PAPPA: variants seen among roughly 807,000 people sequenced by gnomAD.
PAPPA encodes the protein pappalysin-1.
A neutral mutation model predicts 164.0 loss-of-function variants in PAPPA; 60 were observed. The observed-to-expected ratio is 0.37, with a 90% CI of 0.30 to 0.45. PAPPA has a LOEUF of 0.45. PAPPA is among the 20% of genes least tolerant of loss of function. The probability of loss-of-function intolerance (pLI) is 1.00; values close to 1 mark genes in which losing one functional copy is unlikely to be tolerated. For missense variants in PAPPA, 1,782 were observed against 2,087.3 expected, an observed-to-expected ratio of 0.85 and a Z score of 2.85; for synonymous variants, 875 against 814.1, an observed-to-expected ratio of 1.07 and a Z score of -1.27.
chr9:116,374,950 T>C (rs1846630125), intron 19 of PAPPA, among the ~76,000 whole-genome samples: 1 of 152,264 alleles, frequency 6.6e-6, no homozygotes, highest in African/African-American at 2.4e-5. Flanking sequence ...TTTGTATTTG[T>C]ATCACATTCC....
chr9:116,219,803 G>A (rs905974645), intron 4 of PAPPA, 134 bp from the exon 5 acceptor site: 1 of 657,512 alleles, frequency 1.5e-6, no homozygotes, highest in African/African-American at 1.8e-5. Flanking sequence ...CTTGAGAGCT[G>A]GAAGAGGCCA....
At chr9:116,161,727 T>C (rs1321475571) in intron 1 of PAPPA, among the ~76,000 whole-genome samples, 1 of 149,396 alleles carries the variant, frequency 6.7e-6, no homozygotes, top group East Asian at 1.9e-4. Context: ...AAAAAAAAGG[T>C]TCTGGGGGTA....
chr9:116,273,642 C>T (rs1485648960), intron 9 of PAPPA, among the ~76,000 whole-genome samples: 2 of 152,012 alleles, frequency 1.3e-5, no homozygotes, highest in Non-Finnish European at 2.9e-5. Flanking sequence ...GGAGTGGTGG[C>T]GGGCACCCAT....
chr9:116,306,409 T>G (rs1303456163), intron 10 of PAPPA, among the ~76,000 whole-genome samples: 1 of 152,244 alleles, frequency 6.6e-6, no homozygotes, highest in Non-Finnish European at 1.5e-5. Flanking sequence ...GTGTTTCTCG[T>G]TCATTCTTTT....
intron 9 of PAPPA, among the ~76,000 whole-genome samples, chr9:116,292,998 A>G (rs1214613216): frequency 2.0e-5 from 3 of 152,160 alleles, no homozygotes; most frequent in African/African-American, 4.8e-5. Context: ...ATATGCTTCA[A>G]GGCAGTCTAG....
rs532410621 is a variant in PAPPA at position 116,260,964 on chromosome 9, C to T, written c.2733-4893C>T. The stretch of plus-strand genomic sequence containing the variant: ...TCTATTCTGCTGTACTTTGAGAAAG[C>T]TTGGGGCTTCTGTCTTTGGAAAGCA... On this transcript the variant is annotated intron_variant, in intron 7 of 21. Transcript: ENST00000328252. 2.0e-5 allele frequency among the ~76,000 whole-genome samples: 3 copies of T among 152,242 alleles called. No individual in the cohort carries two copies. In the East Asian group the frequency reaches 5.8e-4, roughly 29 times the overall value.
At chr9:116,225,844 T>G (rs1299271839) in intron 5 of PAPPA, among the ~76,000 whole-genome samples, 2 of 152,142 alleles carry the variant, frequency 1.3e-5, no homozygotes, top group Non-Finnish European at 2.9e-5. Context: ...CATCCATCCA[T>G]CCATCTATCC....
At chr9:116,223,651 A>G (rs550766954) in intron 5 of PAPPA, among the ~76,000 whole-genome samples, 16 of 152,362 alleles carry the variant, frequency 1.1e-4, no homozygotes, top group South Asian at 2.1e-4. Flanking sequence ...GTCTATGGCT[A>G]AAAGAAGTCA....
rs575624397 is a variant in PAPPA, at chr9:116,216,936, T to C, written c.1919-3001T>C. On this transcript the variant is annotated intron_variant, in intron 4 of 21. Coordinates refer to ENST00000328252, the MANE Select transcript of PAPPA (RefSeq NM_002581.5). ...TTTGTATTTTTGGTGGAGACAGGGT[T>C]TCACCATGTTGGTCAGGGTGGTCTC... 2.6e-5 allele frequency among the ~76,000 whole-genome samples: 4 copies of C among 152,072 alleles called. No homozygotes were observed. The East Asian group carries it at 7.8e-4, about 30-fold the overall frequency.
At chr9:116,342,896 T>G (rs1846156745) in intron 13 of PAPPA, among the ~76,000 whole-genome samples, 1 of 152,144 alleles carries the variant, frequency 6.6e-6, no homozygotes, top group Non-Finnish European at 1.5e-5. Flanking sequence ...CTTTAAAGTG[T>G]TTAAGAGCTA....
chr9:116,379,800 G>T (rs1346847171), intron 20 of PAPPA, among the ~76,000 whole-genome samples: 1 of 152,154 alleles, frequency 6.6e-6, no homozygotes. Context: ...GCTATTAGGG[G>T]TGGCATTTTG....
intron 1 of PAPPA, among the ~76,000 whole-genome samples, chr9:116,179,526 T>G (rs1843877987): frequency 6.6e-6 from 1 of 152,150 alleles, no homozygotes; most frequent in Admixed American, 6.5e-5. Context: ...GTCCTGTATG[T>G]CTCCCTTTAA....
chr9:116,368,624 C>A (rs766138787), intron 19 of PAPPA, among the ~76,000 whole-genome samples: 2 of 152,232 alleles, frequency 1.3e-5, no homozygotes, highest in Non-Finnish European at 1.5e-5. Flanking sequence ...TTTTCTCCCC[C>A]AGGACATCGC....
At chr9:116,285,125 TTTTCTTTTTCTTTTTTC>T (rs911058979) in intron 9 of PAPPA, among the ~76,000 whole-genome samples, 19 of 151,022 alleles carry the variant, frequency 1.3e-4, no homozygotes, top group Admixed American at 1.1e-3. Context: ...TTTGCTTTTC[TTTTCTTTTTCTTTTTTC>T]TTTCTTTTTC....
At chr9:116,216,131 C>T (rs1683698240) in intron 4 of PAPPA, among the ~76,000 whole-genome samples, 2 of 152,042 alleles carry the variant, frequency 1.3e-5, no homozygotes, top group African/African-American at 4.8e-5. Flanking sequence ...TTATTACTAT[C>T]ATTATTTTTA....
Position 116,367,650 on chromosome 9 carries a change from G to A in PAPPA, c.4501G>A (p.Glu1501Lys). 1 of 1,613,238 alleles carries A rather than the reference G, an allele frequency of 6.2e-7. No homozygotes were observed. Among genetic ancestry groups the A allele is most frequent in the Non-Finnish European group, 8.5e-7 (1 of 1,179,400 alleles). The stretch of plus-strand genomic sequence containing the variant: ...TCATGCTGTACTTCCCTCAGGGTCG[G>A]AGTGTGCCACCTCGTGCCTGGACCA... ...QCPDGYAIGSECATSCLDHNS... is the reference protein window; with the variant it reads ...QCPDGYAIGSKCATSCLDHNS... Residue 1501 changes from glutamate (E) to lysine (K), a missense_variant, in exon 19 of 22, where the codon GAG (glutamate) becomes AAG (lysine). By Grantham distance (56) the Glu-to-Lys change is moderately conservative. Around this residue, in one of 2 missense-constraint regions of PAPPA, gnomAD observed 1,324 missense variants for 1,656.9 expected, o/e 0.80. Transcript: ENST00000328252.
chr9:116,344,619 A>G lies in PAPPA; in HGVS notation c.3688A>G (p.Ser1230Gly). ...GAATGCTTCTCTCAATTGCTCCAGC[A>G]GCGACCGCTACCACGGTGCCCAGTG... is the stretch of plus-strand genomic sequence containing the variant. ...VENASLNCSS[S>G]DRYHGAQCTV... Residue 1230 changes from serine (S) to glycine (G), a missense_variant, in exon 14 of 22, where the codon AGC becomes GGC. By Grantham distance (56) the Ser-to-Gly change is moderately conservative. Transcript: ENST00000328252. The G allele has an allele frequency of 6.2e-7, 1 of 1,614,212 alleles. No individual in the cohort carries two copies. Among genetic ancestry groups the G allele is most frequent in the African/African-American group, 1.3e-5 (1 of 75,066 alleles).
At position 116,227,439 on chromosome 9, in the gene PAPPA, G is replaced by A; in HGVS notation, c.2120G>A (p.Gly707Glu). 1 of 1,613,940 alleles carries A rather than the reference G, an allele frequency of 6.2e-7. No homozygotes were observed. The highest frequency in any genetic ancestry group is 1.3e-5 in the African/African-American group (1 of 74,974). ...IDGHFFEREL[G>E]SACHLCLEGR... ...TTTCCTTGGCCTCCTAGAGAATTGG[G>A]ATCAGCATGTCATCTTTGCCTGGAA... is the stretch of plus-strand genomic sequence containing the variant. The change falls in exon 6 of 22, where the codon GGA becomes GAA. Residue 707 changes from glycine (G) to glutamate (E), a missense_variant. Physicochemically the swap from Gly to Glu is moderately conservative, Grantham distance 98. This residue lies in a region of PAPPA where 1,324 missense variants were observed against 1,656.9 expected (regional missense o/e 0.80). Coordinates refer to ENST00000328252, the MANE Select transcript of PAPPA (RefSeq NM_002581.5).
intron 1 of PAPPA, among the ~76,000 whole-genome samples, chr9:116,178,794 C>A (rs118019972): frequency 0.019 from 2,968 of 152,270 alleles, 45 homozygotes; most frequent in Non-Finnish European, 0.033. Context: ...GGGAAAGGAG[C>A]CCTGACTTTC....
Sources: gnomAD v4.1 joint callset for allele counts (sites outside exome capture counted in the v4.1 genomes callset) on GRCh38, gnomAD v4.1.1 for gene constraint, gnomAD v4.1.1 regional missense constraint, MANE v1.5 for transcripts, NCBI Gene and HGNC (gene_info 2026-07-23, HGNC 2026-07-21) for gene names.